STX7: variants seen among roughly 807,000 people sequenced by gnomAD.
STX7 encodes syntaxin 7, also known as syntaxin-7.
Under a neutral mutation model 39.6 loss-of-function variants are expected in STX7, and 34 were observed. The observed-to-expected ratio is 0.86, with a 90% CI of 0.65 to 1.14. STX7 has a LOEUF of 1.14. Ranked by LOEUF, STX7 falls within the 50% of genes most tolerant of loss-of-function variation. The probability of loss-of-function intolerance (pLI) is 0.00; values close to 1 mark genes in which losing one functional copy is unlikely to be tolerated. For synonymous variants in STX7, 119 were observed against 99.1 expected (o/e 1.20, Z -1.19); for missense variants, 284 against 310.4 (o/e 0.92, Z 0.64).
chr6:132,485,762 T>C (rs1470964869), intron 2 of STX7, among the ~76,000 whole-genome samples: 1 of 152,234 alleles, frequency 6.6e-6, no homozygotes, highest in Non-Finnish European at 1.5e-5. Context: ...CTAATGATGT[T>C]GAACATCTTT....
chr6:132,503,205 T>A (rs908106166), intron 2 of STX7, among the ~76,000 whole-genome samples: 1 of 152,244 alleles, frequency 6.6e-6, no homozygotes, highest in African/African-American at 2.4e-5. Flanking sequence ...TAAATCTTTA[T>A]TTTATTTAAT....
intron 1 of STX7, among the ~76,000 whole-genome samples, chr6:132,504,369 G>C (rs1775647336): frequency 6.6e-6 from 1 of 152,116 alleles, no homozygotes; most frequent in South Asian, 2.1e-4. Flanking sequence ...CAGAATAGAA[G>C]AGACACTGAG....
chr6:132,460,775 A>G lies in STX7; in HGVS notation c.769T>C (p.Trp257Arg). The change falls in exon 10 of 10, where the codon TGG becomes CGG. Residue 257 changes from tryptophan to arginine, a missense_variant. By Grantham distance (101) the Trp-to-Arg change is moderately radical. Coordinates refer to ENST00000367941, the MANE Select transcript of STX7 (RefSeq NM_003569.3). ...TTATAACTTCAGTGGTTCAATCCCC[A>G]TATGATGAGACTGATAATCGCAACT... is the stretch of plus-strand genomic sequence containing the variant. ...IGVAIISLII[W>R]GLNH The G allele has an allele frequency of 6.2e-7, 1 of 1,613,232 alleles. No individual in the cohort carries two copies. Among genetic ancestry groups the G allele is most frequent in the Non-Finnish European group, 8.5e-7 (1 of 1,179,378 alleles).
intron 2 of STX7, among the ~76,000 whole-genome samples, chr6:132,489,227 G>GAAAAAAAAA (rs1775218386): frequency 2.4e-5 from 2 of 82,542 alleles, no homozygotes; most frequent in African/African-American, 1.2e-4. Flanking sequence ...AAAAAAAAAG[G>GAAAAAAAAA]ATGATATATA....
rs1774227887 is a variant in STX7 at position 132,455,764 on chromosome 6, T to C, written c.*4994A>G. The C allele has an allele frequency of 6.6e-6, 1 of 152,216 alleles. No individual in the cohort carries two copies. Among genetic ancestry groups the C allele is most frequent in the Non-Finnish European group, 1.5e-5 (1 of 68,038 alleles). The allele number at this position is 152,216 out of a possible 1,614,324, so 9.4% of individuals were successfully genotyped here. A position where few individuals can be genotyped will look rare whatever the true frequency, so the allele number is the denominator to read the frequency against. On this transcript the variant is annotated 3_prime_UTR_variant, in exon 10 of 10. Transcript: ENST00000367941. ...GGAGAAAAATATTACATAATATTCA[T>C]GTTAACCAAATGATTACAAAAACAA...
chr6:132,477,201 A>G (rs1774896213), intron 2 of STX7, among the ~76,000 whole-genome samples: 1 of 152,148 alleles, frequency 6.6e-6, no homozygotes, highest in South Asian at 2.1e-4. Flanking sequence ...TTCCTTTCAT[A>G]AGACAAACAA....
At chr6:132,478,865 A>T (rs933412127) in intron 2 of STX7, among the ~76,000 whole-genome samples, 3 of 152,210 alleles carry the variant, frequency 2.0e-5, no homozygotes, top group Non-Finnish European at 2.9e-5. Flanking sequence ...GAGCCTTCAC[A>T]GGCTTATCTC....
chr6:132,461,692 G>A (rs1774406299), intron 9 of STX7: 1 of 760,956 alleles, frequency 1.3e-6, no homozygotes, highest in Non-Finnish European at 2.0e-6. Context: ...ATATTAATGG[G>A]AAACTACATT....
chr6:132,495,795 T>A (rs892130272), intron 2 of STX7, among the ~76,000 whole-genome samples: 2 of 152,196 alleles, frequency 1.3e-5, no homozygotes, highest in African/African-American at 4.8e-5. Flanking sequence ...TTACATAGAC[T>A]TTTAATTTCA....
intron 2 of STX7, among the ~76,000 whole-genome samples, chr6:132,485,417 T>C (rs1775108949): frequency 6.6e-6 from 1 of 152,258 alleles, no homozygotes; most frequent in Non-Finnish European, 1.5e-5. Flanking sequence ...TACAACACTA[T>C]TGATGGACAT....
Position 132,460,430 on chromosome 6 carries a change from C to A in STX7, c.*328G>T, listed in dbSNP as rs771957599. On this transcript the variant is annotated 3_prime_UTR_variant, in exon 10 of 10. Coordinates refer to ENST00000367941, the MANE Select transcript of STX7 (RefSeq NM_003569.3). Reference sequence around the variant, plus strand: ...GGGAGATGCAAACAGAATACACACACCTTTAAATTTACGAATTCCCAAAAC... The same window carrying A: ...GGGAGATGCAAACAGAATACACACAACTTTAAATTTACGAATTCCCAAAAC... 37 of 183,060 alleles carry A rather than the reference C, an allele frequency of 2.0e-4. No homozygotes were observed. The highest frequency in any genetic ancestry group is 3.7e-4 in the Non-Finnish European group (33 of 88,412). The allele number at this position is 183,060 out of a possible 1,614,324, so 11.3% of individuals were successfully genotyped here. A position where few individuals can be genotyped will look rare whatever the true frequency, so the allele number is the denominator to read the frequency against.
chr6:132,508,905 C>A (rs564324959), intron 1 of STX7, among the ~76,000 whole-genome samples: 1 of 152,252 alleles, frequency 6.6e-6, no homozygotes, highest in East Asian at 1.9e-4. Flanking sequence ...CAACACTCAT[C>A]CAGGACTTAC....
At chr6:132,507,326 GAT>G (rs1368509694) in intron 1 of STX7, among the ~76,000 whole-genome samples, 1 of 152,148 alleles carries the variant, frequency 6.6e-6, no homozygotes, top group Non-Finnish European at 1.5e-5. Flanking sequence ...AATTTATTGA[GAT>G]ATGGCAATAC....
At chr6:132,488,348 G>A (rs1390085389) in intron 2 of STX7, among the ~76,000 whole-genome samples, 7 of 152,182 alleles carry the variant, frequency 4.6e-5, no homozygotes, top group South Asian at 2.1e-4. Context: ...TGAGAAAAAC[G>A]TGTGTTCTGC....
At chr6:132,471,442 A>C (rs1774718154) in intron 5 of STX7, 21 bp downstream of exon 5, 1 of 1,603,618 alleles carries the variant, frequency 6.2e-7, no homozygotes, top group Non-Finnish European at 8.5e-7. Flanking sequence ...TCATTTCTAG[A>C]ATGTCTTTTA....
Position 132,455,319 on chromosome 6 carries a change from C to T in STX7, c.*5439G>A, listed in dbSNP as rs1774219713. ...AAGTGAAACTAGGTATCAGAAAAAT[C>T]TTAGTCGAGGCTAAATAACTGCATT... On this transcript the variant is annotated 3_prime_UTR_variant, in exon 10 of 10. Transcript: ENST00000367941. 6.6e-6 allele frequency: 1 copy of T among 152,160 alleles called. No homozygotes were observed. Among genetic ancestry groups the T allele is most frequent in the African/African-American group, 2.4e-5 (1 of 41,430 alleles). 9.4% of individuals were successfully genotyped at this position (152,160 alleles called of 1,614,324 possible).
intron 2 of STX7, among the ~76,000 whole-genome samples, chr6:132,481,841 T>C (rs937777356): frequency 6.6e-6 from 1 of 152,214 alleles, no homozygotes; most frequent in African/African-American, 2.4e-5. Context: ...TGTGTTCTAT[T>C]GGAGGACAAT....
intron 2 of STX7, among the ~76,000 whole-genome samples, chr6:132,501,206 C>T (rs1016937871): frequency 2.6e-5 from 4 of 152,124 alleles, no homozygotes; most frequent in African/African-American, 9.7e-5. Context: ...GCATATGCCA[C>T]AACAGGCCCA....
chr6:132,499,168 T>C (rs1775490597), intron 2 of STX7, among the ~76,000 whole-genome samples: 1 of 152,210 alleles, frequency 6.6e-6, no homozygotes, highest in African/African-American at 2.4e-5. Context: ...TCCTTTGCAA[T>C]TATACGCTTA....
Sources: gnomAD v4.1 joint callset for allele counts (sites outside exome capture counted in the v4.1 genomes callset) on GRCh38, gnomAD v4.1.1 for gene constraint, MANE v1.5 for transcripts, NCBI Gene and HGNC (gene_info 2026-07-23, HGNC 2026-07-21) for gene names.